MTHFD1L: variants seen among roughly 807,000 people sequenced by gnomAD.
MTHFD1L encodes the protein monofunctional C1-tetrahydrofolate synthase, mitochondrial.
MTHFD1L carries 81 observed loss-of-function variants against 119.5 expected under a neutral mutation model. The observed-to-expected ratio is 0.68, with a 90% CI of 0.57 to 0.82. The LOEUF (loss-of-function observed/expected upper bound fraction) is 0.82. Among genes scored for constraint, MTHFD1L ranks in the 40% least tolerant of loss-of-function variants. The probability of loss-of-function intolerance (pLI) is 0.00; values close to 1 mark genes in which losing one functional copy is unlikely to be tolerated. For missense variants in MTHFD1L, 1,125 were observed against 1,253.4 expected (o/e 0.90, Z 1.55); for synonymous variants, 430 against 475.2 (o/e 0.90, Z 1.24).
At chr6:150,922,783 A>G (rs1789213070) in intron 10 of MTHFD1L, among the ~76,000 whole-genome samples, 1 of 151,662 alleles carries the variant, frequency 6.6e-6, no homozygotes, top group African/African-American at 2.4e-5. Context: ...AGCTGAGATT[A>G]CAGGTGCACG....
intron 26 of MTHFD1L, chr6:151,055,893 A>G (rs879883120): frequency 6.6e-6 from 1 of 152,220 alleles, no homozygotes; most frequent in Non-Finnish European, 1.5e-5. Flanking sequence ...TGATTCCAAG[A>G]ACTGTATAAT....
intron 20 of MTHFD1L, among the ~76,000 whole-genome samples, chr6:150,976,844 A>G (rs1776654248): frequency 6.6e-6 from 1 of 152,166 alleles, no homozygotes; most frequent in Non-Finnish European, 1.5e-5. Flanking sequence ...GAGAATTTGA[A>G]AAGGTGATTC....
At chr6:151,034,463 AC>A (rs756378633) in intron 24 of MTHFD1L, 29 bp from the exon 25 acceptor site, 3 of 1,423,212 alleles carry the variant, frequency 2.1e-6, no homozygotes, top group Non-Finnish European at 3.0e-6. Context: ...TTAAACTTAT[AC>A]AATTTTGTTA....
intron 16 of MTHFD1L, among the ~76,000 whole-genome samples, chr6:150,951,960 C>T (rs1794937485): frequency 6.6e-6 from 1 of 152,084 alleles, no homozygotes; most frequent in South Asian, 2.1e-4. Context: ...TTGGTGTCTG[C>T]TTTGGGGTTC....
intron 26 of MTHFD1L, among the ~76,000 whole-genome samples, chr6:151,069,973 T>C (rs561485367): frequency 2.4e-4 from 37 of 152,328 alleles, no homozygotes; most frequent in African/African-American, 8.4e-4. Context: ...GCAGAGGACC[T>C]GTGTTGACTC....
At position 151,092,475 on chromosome 6, in the gene MTHFD1L, C is replaced by G; in HGVS notation, c.2856C>G (p.Thr952=). 5 of 1,613,090 alleles carry G rather than the reference C, an allele frequency of 3.1e-6. No homozygotes were observed. The highest frequency in any genetic ancestry group is 1.1e-5 in the South Asian group (1 of 90,730). The stretch of plus-strand genomic sequence containing the variant: ...TTGGTTTTCTCCCCCAGATGAGCAC[C>G]ATGCCAGGACTGCCCACCCGGCCCT... ...FIYPLVGTMS[T]MPGLPTRPCF... Residue 952 remains threonine, a synonymous_variant, in exon 27 of 28, where the codon ACC becomes ACG. Transcript: ENST00000367321.
At chr6:150,933,374 A>C (rs1791490152) in intron 11 of MTHFD1L, among the ~76,000 whole-genome samples, 1 of 152,074 alleles carries the variant, frequency 6.6e-6, no homozygotes, top group South Asian at 2.1e-4. Context: ...AGGCTCTTCT[A>C]AGATTGTAAT....
chr6:150,882,971 T>C (rs2128758987), intron 5 of MTHFD1L, 85 bp downstream of exon 5: 1 of 1,268,890 alleles, frequency 7.9e-7, no homozygotes, highest in East Asian at 2.8e-5. Flanking sequence ...AAATTTCTTC[T>C]ATTTATTTCA....
At chr6:150,871,587 C>G (rs1037159720) in intron 1 of MTHFD1L, among the ~76,000 whole-genome samples, 1 of 148,320 alleles carries the variant, frequency 6.7e-6, no homozygotes, top group Non-Finnish European at 1.5e-5. Context: ...CTGGAACCTC[C>G]GCCTCTCAGG....
Position 151,051,332 on chromosome 6 carries a change from C to T in MTHFD1L, c.2847+14215C>T, listed in dbSNP as rs148637124. 2.8e-3 allele frequency among the ~76,000 whole-genome samples: 422 copies of T among 152,296 alleles called. 2 individuals carry two copies. The highest frequency in any genetic ancestry group is 9.5e-3 in the African/African-American group (393 of 41,564). On this transcript the variant is annotated intron_variant, in intron 26 of 27. Coordinates refer to ENST00000367321, the MANE Select transcript of MTHFD1L (RefSeq NM_015440.5). The stretch of plus-strand genomic sequence containing the variant: ...TGCTTGACCACATTTTCCGCCCATG[C>T]ACTGCCATTCTCATTTCAGGCTGCG...
intron 20 of MTHFD1L, among the ~76,000 whole-genome samples, chr6:151,005,123 G>T (rs889524389): frequency 3.9e-5 from 6 of 151,976 alleles, no homozygotes; most frequent in African/African-American, 1.5e-4. Flanking sequence ...TAACCTATAG[G>T]TTATATATGT....
chr6:150,916,289 A>G (rs1042008390), intron 8 of MTHFD1L, among the ~76,000 whole-genome samples: 5 of 127,616 alleles, frequency 3.9e-5, no homozygotes, highest in African/African-American at 1.4e-4. Context: ...AGGAAGGTAG[A>G]ATCTTTTTTT....
At chr6:151,065,646 C>G (rs1381203042) in intron 26 of MTHFD1L, among the ~76,000 whole-genome samples, 1 of 152,230 alleles carries the variant, frequency 6.6e-6, no homozygotes, top group Non-Finnish European at 1.5e-5. Context: ...GGAATCTTTT[C>G]TCTCCCACCA....
intron 7 of MTHFD1L, among the ~76,000 whole-genome samples, chr6:150,896,906 G>A (rs898120515): frequency 3.3e-5 from 5 of 151,800 alleles, no homozygotes; most frequent in African/African-American, 7.3e-5. Flanking sequence ...CAGGAATCGA[G>A]ACCATCCTGG....
At chr6:151,097,812 C>G (rs1480425253) in intron 27 of MTHFD1L, among the ~76,000 whole-genome samples, 1 of 152,022 alleles carries the variant, frequency 6.6e-6, no homozygotes, top group African/African-American at 2.4e-5. Flanking sequence ...AATGGACACC[C>G]CAGGTACCCT....
intron 20 of MTHFD1L, among the ~76,000 whole-genome samples, chr6:150,995,930 G>A (rs552787661): frequency 6.6e-6 from 1 of 150,966 alleles, no homozygotes; most frequent in Non-Finnish European, 1.5e-5. Flanking sequence ...CAAAGTGCTG[G>A]GATTACAGGC....
chr6:151,013,640 T>C, intron 21 of MTHFD1L, 139 bp from the exon 22 acceptor site: 2 of 780,424 alleles, frequency 2.6e-6, no homozygotes, highest in Admixed American at 4.8e-5. Flanking sequence ...TAGCCAGTGC[T>C]GCCAGCTACT....
At chr6:151,044,606 C>A (rs1787673944) in intron 26 of MTHFD1L, among the ~76,000 whole-genome samples, 2 of 152,118 alleles carry the variant, frequency 1.3e-5, no homozygotes, top group South Asian at 4.1e-4. Context: ...CGGCCAACTA[C>A]ATGCTTTTTT....
intron 25 of MTHFD1L, among the ~76,000 whole-genome samples, chr6:151,035,476 G>T (rs1786029377): frequency 6.6e-6 from 1 of 152,138 alleles, no homozygotes; most frequent in South Asian, 2.1e-4. Context: ...CAGGGTATTT[G>T]TTCTCCTAGG....
Sources: allele counts gnomAD v4.1 joint callset (sites outside exome capture counted in the v4.1 genomes callset), GRCh38; gene constraint gnomAD v4.1.1; transcripts MANE v1.5; gene names NCBI Gene and HGNC (gene_info 2026-07-23, HGNC 2026-07-21).